The following SLC2A14 variants were observed in gnomAD, a reference collection of about 807,000 sequenced individuals.
The protein encoded by SLC2A14 is solute carrier family 2, facilitated glucose transporter member 14.
A neutral mutation model predicts 43.0 loss-of-function variants in SLC2A14; 13 were observed. That is an observed-to-expected ratio of 0.30 (90% CI 0.20 to 0.48). SLC2A14 has a LOEUF of 0.48. SLC2A14 is among the 20% of genes least tolerant of loss of function. The pLI is 0.99. For synonymous variants in SLC2A14, 190 were observed against 233.8 expected (o/e 0.81, Z 1.71); for missense variants, 428 against 620.4 (o/e 0.69, Z 3.29).
At chr12:7,830,085 T>A in intron 4 of SLC2A14, 79 bp from the exon 5 acceptor site, 1 of 1,568,590 alleles carries the variant, frequency 6.4e-7, no homozygotes, top group South Asian at 1.2e-5. Flanking sequence ...CTCATTATTC[T>A]GCTCTTCTCC....
chr12:7,844,867 A>T (rs929054162), intron 2 of SLC2A14, among the ~76,000 whole-genome samples: 15 of 152,230 alleles, frequency 9.9e-5, no homozygotes, highest in Admixed American at 9.8e-4. Context: ...AAAACAAGTG[A>T]GCTACATCTT....
chr12:7,873,364 G>T (rs1409238756), upstream of SLC2A14: 32 of 985,164 alleles, frequency 3.2e-5, no homozygotes, highest in Middle Eastern at 5.2e-4. Context: ...ATTTCGGGCC[G>T]CGCACGGTGG....
At chr12:7,888,154 C>T (rs1022721816) in intron 1 of SLC2A14, among the ~76,000 whole-genome samples, 2 of 152,058 alleles carry the variant, frequency 1.3e-5, no homozygotes, top group African/African-American at 4.8e-5. Context: ...GCAGTGTCCC[C>T]CTCCCTATCC....
upstream of SLC2A14, among the ~76,000 whole-genome samples, chr12:7,874,829 A>ATATAAATATATATT (rs1945402985): frequency 1.2e-5 from 1 of 86,498 alleles, no homozygotes; most frequent in African/African-American, 3.6e-5. Context: ...TATATAAATT[A>ATATAAATATATATT]TATATAAATA....
At chr12:7,871,343 C>T (rs1007682195) in intron 1 of SLC2A14, 5 of 863,356 alleles carry the variant, frequency 5.8e-6, no homozygotes, top group African/African-American at 1.8e-5. Flanking sequence ...CACCTGCATC[C>T]TCATACATGG....
intron 1 of SLC2A14, among the ~76,000 whole-genome samples, chr12:7,870,175 G>C (rs1945147579): frequency 6.6e-6 from 1 of 152,024 alleles, no homozygotes; most frequent in African/African-American, 2.4e-5. Flanking sequence ...AAGGGTTCTG[G>C]GGAGAGACAG....
At chr12:7,839,494 A>C (rs1342130329) in intron 2 of SLC2A14, among the ~76,000 whole-genome samples, 1 of 152,162 alleles carries the variant, frequency 6.6e-6, no homozygotes, top group Non-Finnish European at 1.5e-5. Context: ...GCAGTCATGA[A>C]CGTTCTGGTT....
At chr12:7,818,112 G>A (rs1323233358) in intron 9 of SLC2A14, 78 bp from the exon 10 acceptor site, 24 of 1,375,024 alleles carry the variant, frequency 1.7e-5, no homozygotes, top group Non-Finnish European at 2.4e-5. Context: ...GGCAACTAAT[G>A]GCAAGCTCCT....
rs1491040562 is a variant in SLC2A14, at chr12:7,848,380, TTA to T, written c.19-15568_19-15567del. On this transcript the variant is annotated intron_variant, in intron 2 of 10. Transcript: ENST00000431042. Reference sequence around the variant, plus strand: ...ATTTGTATCTCAGATTGTCTTTTTTTTATTATTATTTTTTACAATTCCCTTTC... The same window carrying T: ...ATTTGTATCTCAGATTGTCTTTTTTTTTATTATTTTTTACAATTCCCTTTC... Among the ~76,000 whole-genome samples the T allele has an allele frequency of 4.3e-4, 60 of 140,418 alleles. 1 individual carries two copies. Among genetic ancestry groups the T allele is most frequent in the African/African-American group, 1.3e-3 (50 of 38,630 alleles). The allele number at this position is 140,418 out of a possible 152,430, so 92.1% of individuals were successfully genotyped here.
At chr12:7,832,103 A>C (rs1406971641) in intron 3 of SLC2A14, among the ~76,000 whole-genome samples, 5 of 152,246 alleles carry the variant, frequency 3.3e-5, no homozygotes, top group African/African-American at 9.6e-5. Flanking sequence ...GCGAGACTAC[A>C]TCTCAAAACA....
chr12:7,833,336 A>G (rs1270112398), intron 2 of SLC2A14, among the ~76,000 whole-genome samples: 4 of 152,206 alleles, frequency 2.6e-5, no homozygotes, highest in African/African-American at 9.7e-5. Flanking sequence ...TCTCAGGACC[A>G]TGTAACCTAC....
chr12:7,828,089 C>T lies in SLC2A14; in HGVS notation c.677-407G>A, dbSNP rs138652748. Among the ~76,000 whole-genome samples, 1,259 of 151,652 alleles carry T rather than the reference C, an allele frequency of 8.3e-3. 22 individuals carry two copies. The highest frequency in any genetic ancestry group is 0.028 in the African/African-American group (1,167 of 41,342). On this transcript the variant is annotated intron_variant, in intron 6 of 10. Transcript: ENST00000431042. ...AAAAATACAAATTAGATGGGTTGGG[C>T]GCGGTGGCTCACACCTGTAATCCCA...
intron 2 of SLC2A14, chr12:7,863,229 G>A (rs1218786239): frequency 5.9e-6 from 2 of 339,046 alleles, no homozygotes; most frequent in African/African-American, 2.2e-5. Flanking sequence ...TAAGAGCTGC[G>A]ACACTCACGG....
chr12:7,832,000 C>T (rs758596840), intron 3 of SLC2A14, among the ~76,000 whole-genome samples: 1 of 152,170 alleles, frequency 6.6e-6, no homozygotes, highest in South Asian at 2.1e-4. Flanking sequence ...CCCAGCTACT[C>T]GGGAGGCTGA....
intron 2 of SLC2A14, among the ~76,000 whole-genome samples, chr12:7,838,332 TGCCTCG>T (rs1865634043): frequency 6.7e-6 from 1 of 148,418 alleles, no homozygotes; most frequent in Non-Finnish European, 1.5e-5. Context: ...GCGATCCACC[TGCCTCG>T]GCCTCCCAAA....
chr12:7,867,262 C>A (rs768198580), intron 2 of SLC2A14, among the ~76,000 whole-genome samples: 1 of 118,878 alleles, frequency 8.4e-6, no homozygotes, highest in East Asian at 2.5e-4. Context: ...GCCTGGGCGA[C>A]AGAGGGAGAC....
intron 2 of SLC2A14, chr12:7,863,485 GGT>G (rs1944722725): frequency 4.5e-6 from 2 of 444,488 alleles, no homozygotes; most frequent in Middle Eastern, 7.1e-4. Flanking sequence ...AAATTAGCTG[GGT>G]GTGCTGGTGC....
intron 1 of SLC2A14, among the ~76,000 whole-genome samples, chr12:7,871,655 G>A (rs998932361): frequency 2.0e-5 from 3 of 152,152 alleles, no homozygotes; most frequent in Admixed American, 1.3e-4. Flanking sequence ...AGGACCTGGA[G>A]GTACTGAGAG....
upstream of SLC2A14, chr12:7,873,045 G>A: frequency 1.0e-6 from 1 of 985,528 alleles, no homozygotes; most frequent in Non-Finnish European, 1.2e-6. Flanking sequence ...GGTCCGGCTC[G>A]CGGTCGGGGT....
Sources: gnomAD v4.1 joint callset for allele counts (sites outside exome capture counted in the v4.1 genomes callset) on GRCh38, gnomAD v4.1.1 for gene constraint, MANE v1.5 for transcripts, NCBI Gene and HGNC (gene_info 2026-07-23, HGNC 2026-07-21) for gene names.